LARS2: variants seen among roughly 807,000 people sequenced by gnomAD.
The protein encoded by LARS2 is leucyl-tRNA synthetase 2, mitochondrial, also known as leucine--tRNA ligase, mitochondrial.
A neutral mutation model predicts 116.6 loss-of-function variants in LARS2; 81 were observed. The observed-to-expected ratio is 0.69, with a 90% confidence interval of 0.58 to 0.84. The LOEUF is 0.84. Ranked by LOEUF, LARS2 falls within the 40% of genes least tolerant of loss-of-function variation. The pLI is 0.00. For missense variants in LARS2, 968 were observed against 1,114.5 expected (o/e 0.87, Z 1.87); for synonymous variants, 396 against 407.2 (o/e 0.97, Z 0.33).
In LARS2 at chr3:45,518,214, T is replaced by C. The variant is rs577219083; in HGVS notation, c.2214+142T>C. 4.7e-4 allele frequency: 292 copies of C among 623,770 alleles called. 5 individuals carry two copies. In the South Asian group the frequency reaches 5.8e-3, roughly 12 times the overall value. The allele number at this position is 623,770 out of a possible 1,614,324, so 38.6% of individuals were successfully genotyped here. ...CCTGGCAATGGCGGTCCTTCTTGCT[T>C]TGATTGATTGGCCCTACTGTTTTGG... On this transcript the variant is annotated intron_variant, in intron 18 of 21. Transcript: ENST00000645846.
chr3:45,478,280 T>A (rs1208330683), intron 10 of LARS2, among the ~76,000 whole-genome samples: 1 of 152,220 alleles, frequency 6.6e-6, no homozygotes, highest in Non-Finnish European at 1.5e-5. Flanking sequence ...CAATTTGATA[T>A]TCCTTGAGGG....
intron 21 of LARS2, among the ~76,000 whole-genome samples, chr3:45,543,984 A>G (rs1420353494): frequency 1.3e-5 from 2 of 152,232 alleles, no homozygotes; most frequent in South Asian, 2.1e-4. Context: ...ATGCAAACCT[A>G]AAATGAAAAG....
At chr3:45,476,064 C>CTT (rs66954282) in intron 9 of LARS2, among the ~76,000 whole-genome samples, 3 of 146,914 alleles carry the variant, frequency 2.0e-5, no homozygotes, top group Admixed American at 6.7e-5. Flanking sequence ...AAGTAGATGC[C>CTT]TTTTTTTTTT....
intron 4 of LARS2, among the ~76,000 whole-genome samples, chr3:45,412,344 C>T (rs1164880076): frequency 6.6e-6 from 1 of 151,868 alleles, no homozygotes; most frequent in Non-Finnish European, 1.5e-5. Context: ...TGCAAAGGTT[C>T]TATTTCATGA....
chr3:45,522,927 G>A lies in LARS2; in HGVS notation c.2293-1070G>A, dbSNP rs535316032. On this transcript the variant is annotated intron_variant, in intron 19 of 21. Transcript: ENST00000645846. ...ATTAATTTTTAAAATTAAAAAAAAG[G>A]AAGTGTTCATATGGCAAGAATACCA... is the stretch of plus-strand genomic sequence containing the variant. Among the ~76,000 whole-genome samples, 4 of 152,036 alleles carry A rather than the reference G, an allele frequency of 2.6e-5. No homozygotes were observed. The East Asian group carries it at 7.7e-4, about 29-fold the overall frequency.
intron 21 of LARS2, among the ~76,000 whole-genome samples, chr3:45,542,793 G>A (rs1700817756): frequency 6.6e-6 from 1 of 152,238 alleles, no homozygotes. Flanking sequence ...CTCTACATCA[G>A]GCATAGTGCT....
At chr3:45,504,701 T>C (rs1017558461) in intron 15 of LARS2, among the ~76,000 whole-genome samples, 5 of 152,072 alleles carry the variant, frequency 3.3e-5, no homozygotes, top group African/African-American at 1.2e-4. Flanking sequence ...TAATGGGAAT[T>C]GTGTCCTGTT....
chr3:45,467,395 T>C (rs1409871111), intron 8 of LARS2, among the ~76,000 whole-genome samples: 1 of 152,246 alleles, frequency 6.6e-6, no homozygotes, highest in African/African-American at 2.4e-5. Flanking sequence ...TAGCTCTAAG[T>C]GTCAGATTTG....
intron 9 of LARS2, among the ~76,000 whole-genome samples, chr3:45,476,109 A>G (rs1420759986): frequency 6.6e-6 from 1 of 151,486 alleles, no homozygotes; most frequent in Non-Finnish European, 1.5e-5. Flanking sequence ...TGAAGAAAAT[A>G]TAGCTTCTTT....
intron 6 of LARS2, among the ~76,000 whole-genome samples, chr3:45,445,046 C>G (rs1268348587): frequency 6.6e-6 from 1 of 152,134 alleles, no homozygotes; most frequent in Non-Finnish European, 1.5e-5. Context: ...AATATTTTTA[C>G]CATACTACCT....
chr3:45,471,035 A>G (rs1017825579), intron 8 of LARS2, among the ~76,000 whole-genome samples: 6 of 79,708 alleles, frequency 7.5e-5, no homozygotes, highest in African/African-American at 2.1e-4. Flanking sequence ...CTGTAATTAC[A>G]ACACTAAAAA....
rs112692322 is a variant in LARS2 at position 45,541,818 on chromosome 3, C to T, written c.2405-11C>T. The T allele has an allele frequency of 3.4e-5, 55 of 1,613,936 alleles. No homozygotes were observed. The highest frequency in any genetic ancestry group is 1.2e-4 in the Admixed American group (7 of 60,016). On this transcript the variant is annotated splice_polypyrimidine_tract_variant and intron_variant, in intron 20 of 21. Transcript: ENST00000645846. ...AGAGTGACCCCACGCTTCTGTGCCT[C>T]GGCATTGCAGGCCTGGCGCTGGTGC...
chr3:45,522,370 C>A (rs35676252), intron 19 of LARS2, among the ~76,000 whole-genome samples: 17,518 of 152,226 alleles, frequency 0.12, 1,380 homozygotes, highest in Middle Eastern at 0.2. Context: ...GTGCCACCAC[C>A]ATTAACCTCA....
intron 1 of LARS2, among the ~76,000 whole-genome samples, chr3:45,390,288 C>G (rs1697916426): frequency 6.6e-6 from 1 of 151,832 alleles, no homozygotes; most frequent in South Asian, 2.1e-4. Flanking sequence ...TGCTGTTTTC[C>G]TTTGCCCATT....
intron 4 of LARS2, among the ~76,000 whole-genome samples, chr3:45,412,212 T>C (rs1327430155): frequency 6.6e-6 from 1 of 152,136 alleles, no homozygotes; most frequent in Non-Finnish European, 1.5e-5. Context: ...TACCCAGTAA[T>C]GGGATTGCTG....
intron 4 of LARS2, among the ~76,000 whole-genome samples, chr3:45,413,473 T>C (rs897215680): frequency 4.6e-5 from 7 of 152,200 alleles, no homozygotes; most frequent in African/African-American, 1.7e-4. Flanking sequence ...GGTAGCTGCT[T>C]TCAGTTACCA....
chr3:45,461,019 G>C (rs1699314044), intron 8 of LARS2, among the ~76,000 whole-genome samples: 1 of 151,916 alleles, frequency 6.6e-6, no homozygotes, highest in Non-Finnish European at 1.5e-5. Flanking sequence ...AAAAGAAGCA[G>C]GAAATTATGG....
intron 7 of LARS2, among the ~76,000 whole-genome samples, chr3:45,451,407 A>G (rs1443837370): frequency 6.6e-6 from 1 of 151,814 alleles, no homozygotes. Flanking sequence ...ATTTAGTTTC[A>G]TTCCTCTGTA....
chr3:45,508,271 A>G (rs1204418662), intron 15 of LARS2, among the ~76,000 whole-genome samples: 2 of 152,038 alleles, frequency 1.3e-5, no homozygotes, highest in Non-Finnish European at 2.9e-5. Context: ...GCAAGCCCCT[A>G]TCCACAGAGC....
Sources: gnomAD v4.1 joint callset for allele counts (sites outside exome capture counted in the v4.1 genomes callset) on GRCh38, gnomAD v4.1.1 for gene constraint, MANE v1.5 for transcripts, NCBI Gene and HGNC (gene_info 2026-07-23, HGNC 2026-07-21) for gene names.